XPO6: variants seen among roughly 807,000 people sequenced by gnomAD.
XPO6 encodes exportin 6.
Under a neutral mutation model 130.0 loss-of-function variants are expected in XPO6, and 3 were observed. That is an observed-to-expected ratio of 0.02 (90% confidence interval 0.01 to 0.06). The LOEUF is 0.06. Among genes scored for constraint, XPO6 ranks in the 10% least tolerant of loss-of-function variants. The probability of loss-of-function intolerance (pLI) is 1.00; values close to 1 mark genes in which losing one functional copy is unlikely to be tolerated. For synonymous variants in XPO6, 524 were observed against 548.9 expected (o/e 0.95, Z 0.63); for missense variants, 970 against 1,393.0 (o/e 0.70, Z 4.83).
intron 1 of XPO6, among the ~76,000 whole-genome samples, chr16:28,200,968 C>G (rs1286465355): frequency 2.6e-5 from 4 of 152,072 alleles, no homozygotes; most frequent in Non-Finnish European, 5.9e-5. Flanking sequence ...TCCTTCCCTT[C>G]CCATTAGCCT....
At chr16:28,113,726 C>CT (rs1184624460) in intron 15 of XPO6, among the ~76,000 whole-genome samples, 9 of 152,126 alleles carry the variant, frequency 5.9e-5, no homozygotes, top group Non-Finnish European at 1.3e-4. Context: ...AATACTTACT[C>CT]TAAGAAGATT....
In XPO6 at chr16:28,135,211, C is replaced by T. The variant is rs781401388; in HGVS notation, c.1443+5G>A. 6.2e-7 allele frequency: 1 copy of T among 1,612,420 alleles called. No homozygotes were observed. The highest frequency in any genetic ancestry group is 8.5e-7 in the Non-Finnish European group (1 of 1,178,718). ...ACAAAAAATCAATCAGGGCATGCCG[C>T]TTACATCGTCATCCAGAGTCTCATC... On this transcript the variant is annotated splice_donor_5th_base_variant and intron_variant, in intron 10 of 23. Transcript: ENST00000304658.
intron 8 of XPO6, 135 bp downstream of exon 8, chr16:28,152,524 A>C: frequency 9.0e-7 from 1 of 1,108,496 alleles, no homozygotes; most frequent in Non-Finnish European, 1.2e-6. Flanking sequence ...AGGAAGATTA[A>C]ACCTGTGACT....
intron 17 of XPO6, among the ~76,000 whole-genome samples, chr16:28,109,991 G>A (rs866020125): frequency 1.3e-5 from 2 of 152,188 alleles, no homozygotes; most frequent in South Asian, 2.1e-4. Context: ...GAATCTGGGT[G>A]AGAGAGATGC....
intron 10 of XPO6, among the ~76,000 whole-genome samples, chr16:28,134,940 C>G (rs564210910): frequency 7.6e-4 from 115 of 152,272 alleles, no homozygotes; most frequent in Non-Finnish European, 1.3e-3. Context: ...AGAGAGGATA[C>G]AGAGTTCTCA....
At chr16:28,200,957 T>C (rs1041874455) in intron 1 of XPO6, among the ~76,000 whole-genome samples, 1 of 151,914 alleles carries the variant, frequency 6.6e-6, no homozygotes, top group Non-Finnish European at 1.5e-5. Flanking sequence ...CTATGCCCAT[T>C]TCCTTCCCTT....
chr16:28,144,060 C>G (rs2042941708), intron 9 of XPO6, among the ~76,000 whole-genome samples: 1 of 152,132 alleles, frequency 6.6e-6, no homozygotes, highest in South Asian at 2.1e-4. Flanking sequence ...GTCCCAGAAC[C>G]AAAAAGATAT....
chr16:28,137,486 G>A (rs1212053475), intron 9 of XPO6, among the ~76,000 whole-genome samples: 1 of 152,084 alleles, frequency 6.6e-6, no homozygotes, highest in Non-Finnish European at 1.5e-5. Context: ...TGAGTACTGG[G>A]ACAACATGAT....
At position 28,105,819 on chromosome 16, in the gene XPO6, G is replaced by A. The variant is rs560992635; in HGVS notation, c.2784+224C>T. On this transcript the variant is annotated intron_variant, in intron 20 of 23. Transcript: ENST00000304658. ...GAGACTGATCTTAGCAACTGACCCTGTGGAATAACTGCCATGCTTACACTA... is the reference window on the plus strand; with the variant it reads ...GAGACTGATCTTAGCAACTGACCCTATGGAATAACTGCCATGCTTACACTA... 47 of 617,564 alleles carry A rather than the reference G, an allele frequency of 7.6e-5. No homozygotes were observed. The South Asian group carries it at 1.2e-3, about 16-fold the overall frequency. 38.3% of individuals were successfully genotyped at this position (617,564 alleles called of 1,614,324 possible). A position where few individuals can be genotyped will look rare whatever the true frequency, so the allele number is the denominator to read the frequency against.
intron 1 of XPO6, among the ~76,000 whole-genome samples, chr16:28,206,061 C>T (rs1214813399): frequency 1.3e-5 from 2 of 150,374 alleles, no homozygotes; most frequent in Non-Finnish European, 3.0e-5. Flanking sequence ...AAAACTGCCT[C>T]TACCTCCTAG....
chr16:28,170,690 A>C (rs2043435210), intron 4 of XPO6, among the ~76,000 whole-genome samples: 3 of 152,238 alleles, frequency 2.0e-5, no homozygotes, highest in African/African-American at 7.2e-5. Context: ...TTCATGATTA[A>C]ATATAGCAGA....
At chr16:28,182,525 G>T (rs1411014097) in intron 1 of XPO6, among the ~76,000 whole-genome samples, 1 of 152,098 alleles carries the variant, frequency 6.6e-6, no homozygotes, top group Non-Finnish European at 1.5e-5. Flanking sequence ...TACTTTGAGC[G>T]CTTGTGAGTG....
In XPO6 at chr16:28,132,979, C is replaced by T. The variant is rs1027169216; in HGVS notation, c.1537-576G>A. ...AAACGTGACTGGCCCCTAAGAAAGGCAGATGGCAAAGTACGAAGCTTTCCA... is the reference window on the plus strand; with the variant it reads ...AAACGTGACTGGCCCCTAAGAAAGGTAGATGGCAAAGTACGAAGCTTTCCA... On this transcript the variant is annotated intron_variant, in intron 11 of 23. Coordinates refer to ENST00000304658, the MANE Select transcript of XPO6 (RefSeq NM_015171.4). The surrounding 1 kb of genome is among the most constrained non-coding windows in gnomAD (Gnocchi z 4.0). Among the ~76,000 whole-genome samples, 1 of 152,200 alleles carries T rather than the reference C, an allele frequency of 6.6e-6. No individual in the cohort carries two copies. Among genetic ancestry groups the T allele is most frequent in the Non-Finnish European group, 1.5e-5 (1 of 68,038 alleles).
intron 8 of XPO6, among the ~76,000 whole-genome samples, chr16:28,146,926 T>C (rs980658854): frequency 2.0e-5 from 3 of 152,128 alleles, no homozygotes; most frequent in Non-Finnish European, 2.9e-5. Flanking sequence ...CTCTATTTCA[T>C]GCAAAGTCCA....
At chr16:28,152,621 C>A in intron 8 of XPO6, 38 bp downstream of exon 8, 5 of 1,582,248 alleles carry the variant, frequency 3.2e-6, no homozygotes, top group Admixed American at 1.9e-5. Context: ...GGTAATAAAC[C>A]TTTTCTCTGG....
intron 1 of XPO6, among the ~76,000 whole-genome samples, chr16:28,197,237 G>C (rs924202666): frequency 7.2e-5 from 11 of 152,024 alleles, no homozygotes; most frequent in Non-Finnish European, 1.6e-4. Flanking sequence ...GGGTGACAGA[G>C]AGAGACTCTG....
intron 1 of XPO6, among the ~76,000 whole-genome samples, chr16:28,185,251 T>G (rs984322316): frequency 2.0e-5 from 3 of 152,052 alleles, no homozygotes; most frequent in African/African-American, 7.2e-5. Context: ...TTCCAGCTAC[T>G]TGGGGGGCTG....
intron 1 of XPO6, among the ~76,000 whole-genome samples, chr16:28,207,936 G>C (rs1195834159): frequency 1.3e-5 from 2 of 152,188 alleles, no homozygotes; most frequent in African/African-American, 4.8e-5. Context: ...CCTGAGGTCA[G>C]GAGTTCGAGA....
At chr16:28,202,196 A>C (rs760322232) in intron 1 of XPO6, among the ~76,000 whole-genome samples, 12 of 152,210 alleles carry the variant, frequency 7.9e-5, no homozygotes, top group Admixed American at 5.9e-4. Context: ...ACTCCAAATA[A>C]ATCACTTTAA....
Sources: allele counts gnomAD v4.1 joint callset (sites outside exome capture counted in the v4.1 genomes callset), GRCh38; gene constraint gnomAD v4.1.1; non-coding constraint Gnocchi (gnomAD v3.1); transcripts MANE v1.5; gene names NCBI Gene and HGNC (gene_info 2026-07-23, HGNC 2026-07-21).